The following ZNF268 variants were observed in gnomAD, a reference collection of about 807,000 sequenced individuals.
ZNF268 encodes zinc finger protein 3.
ZNF268 carries 20 observed loss-of-function variants against 29.3 expected under a neutral mutation model. The ratio of observed to expected loss-of-function variants is 0.68; its 90% CI spans 0.48 to 0.99. ZNF268 has a LOEUF of 0.99. ZNF268 is among the 50% of genes least tolerant of loss of function. The pLI, the probability that ZNF268 is intolerant of heterozygous loss-of-function variation, is 0.00. For missense variants in ZNF268, 1,240 were observed against 1,121.6 expected, an observed-to-expected ratio of 1.11 and a Z score of -1.51; for synonymous variants, 429 against 376.9, an observed-to-expected ratio of 1.14 and a Z score of -1.60.
At position 133,187,936 on chromosome 12, in the gene ZNF268, C is replaced by G. The variant is rs374515405; in HGVS notation, c.98C>G (p.Ser33Cys). The change falls in exon 3 of 6, where the codon TCC (serine) becomes TGC (cysteine). Residue 33 changes from serine to cysteine, a missense_variant. Coordinates refer to ENST00000536435, the MANE Select transcript of ZNF268 (RefSeq NM_003415.3). ...DRIRKLQGQE[S>C]ILGQGTPGLQ... ...ATCAGAAAGCTCCAAGGTCAGGAAT[C>G]CATCTTGGGCCAAGGGACTCCTGGT... 6.2e-7 allele frequency: 1 copy of G among 1,600,104 alleles called. No homozygotes were observed. The highest frequency in any genetic ancestry group is 8.5e-7 in the Non-Finnish European group (1 of 1,173,208).
In ZNF268 at chr12:133,210,490, T is replaced by A; in HGVS notation, c.*5960T>A. On this transcript the variant is annotated 3_prime_UTR_variant, in exon 6 of 6. Coordinates refer to ENST00000536435, the MANE Select transcript of ZNF268 (RefSeq NM_003415.3). ...CCCACTAGGGTCCCTAGGTCAGTCCTGAAGAGAAACAAGCTCCAGTCTTCA... is the reference window on the plus strand; with the variant it reads ...CCCACTAGGGTCCCTAGGTCAGTCCAGAAGAGAAACAAGCTCCAGTCTTCA... The A allele has an allele frequency of 4.0e-6, 1 of 252,248 alleles. No homozygotes were observed. The highest frequency in any genetic ancestry group is 8.1e-6 in the Non-Finnish European group (1 of 123,956). The allele number at this position is 252,248 out of a possible 1,614,324, so 15.6% of individuals were successfully genotyped here.
chr12:133,182,137 G>C (rs1264582375), intron 2 of ZNF268, 107 bp downstream of exon 2: 1 of 1,053,722 alleles, frequency 9.5e-7, no homozygotes, highest in Non-Finnish European at 1.4e-6. Context: ...TCACCCCACC[G>C]CTCTTTTAGG....
chr12:133,191,105 A>G (rs1956458989), intron 3 of ZNF268, among the ~76,000 whole-genome samples: 1 of 152,166 alleles, frequency 6.6e-6, no homozygotes, highest in Non-Finnish European at 1.5e-5. Flanking sequence ...TCACAAAGTC[A>G]GGAGATCGAG....
chr12:133,192,028 C>T (rs752151513), intron 5 of ZNF268, 25 bp downstream of exon 5: 44 of 1,570,892 alleles, frequency 2.8e-5, no homozygotes, highest in Middle Eastern at 1.7e-4. Flanking sequence ...CAAATCTTTT[C>T]TTCTTTATTT....
At position 133,203,925 on chromosome 12, in the gene ZNF268, A is replaced by C; in HGVS notation, c.2239A>C (p.Thr747Pro). 1 of 1,591,336 alleles carries C rather than the reference A, an allele frequency of 6.3e-7. No individual in the cohort carries two copies. The highest frequency in any genetic ancestry group is 1.3e-5 in the African/African-American group (1 of 74,336). ...ACTCATTGTGCATCAGAGAATTCAC[A>C]CAGGAGAAAATCCCTATGAATGCAG... ...SQLIVHQRIHTGENPYECSEC... is the reference protein window; with the variant it reads ...SQLIVHQRIHPGENPYECSEC... The change falls in exon 6 of 6, where the codon ACA becomes CCA. Residue 747 changes from threonine (T) to proline (P), a missense_variant. Coordinates refer to ENST00000536435, the MANE Select transcript of ZNF268 (RefSeq NM_003415.3).
intron 2 of ZNF268, among the ~76,000 whole-genome samples, chr12:133,184,109 G>A (rs61960666): frequency 1.0e-3 from 150 of 149,068 alleles, no homozygotes; most frequent in Non-Finnish European, 1.8e-3. Context: ...CTGCTTTCTT[G>A]TTTTCTTTTT....
Position 133,214,198 on chromosome 12 carries a change from T to C in ZNF268, c.*9668T>C, listed in dbSNP as rs1414402395. On this transcript the variant is annotated 3_prime_UTR_variant, in exon 6 of 6. Transcript: ENST00000536435. The stretch of plus-strand genomic sequence containing the variant: ...CGATACTCAACATCACTAGCCATCA[T>C]GGAAATATAAATCAAAAATACAATG... 6.6e-6 allele frequency: 1 copy of C among 152,130 alleles called. No individual in the cohort carries two copies. Among genetic ancestry groups the C allele is most frequent in the Non-Finnish European group, 1.5e-5 (1 of 68,030 alleles). The allele number at this position is 152,130 out of a possible 1,614,324, so 9.4% of individuals were successfully genotyped here. A position where few individuals can be genotyped will look rare whatever the true frequency, so the allele number is the denominator to read the frequency against.
At chr12:133,183,795 T>C (rs1230983849) in intron 2 of ZNF268, among the ~76,000 whole-genome samples, 1 of 152,114 alleles carries the variant, frequency 6.6e-6, no homozygotes, top group Non-Finnish European at 1.5e-5. Flanking sequence ...CTGAGGACAG[T>C]GGTCAGGGAA....
Position 133,191,698 on chromosome 12 carries a change from A to G in ZNF268, c.361+83A>G, listed in dbSNP as rs937418160. 6.4e-6 allele frequency: 10 copies of G among 1,571,764 alleles called. No individual in the cohort carries two copies. In the African/African-American group the frequency reaches 1.4e-4, roughly 21 times the overall value. On this transcript the variant is annotated intron_variant, in intron 4 of 5. Coordinates refer to ENST00000536435, the MANE Select transcript of ZNF268 (RefSeq NM_003415.3). The stretch of plus-strand genomic sequence containing the variant: ...CTGAAAACTGGAGGGCTTCTATGAA[A>G]TACTTAGTGATTTTGGACTTAGATT...
intron 3 of ZNF268, 132 bp downstream of exon 3, chr12:133,188,204 C>A: frequency 1.5e-6 from 1 of 668,352 alleles, no homozygotes; most frequent in Non-Finnish European, 2.3e-6. Flanking sequence ...AACCCCCCCA[C>A]TTTTTTTTTT....
In ZNF268 at chr12:133,194,912, T is replaced by C. The variant is rs941807256; in HGVS notation, c.457+2909T>C. On this transcript the variant is annotated intron_variant, in intron 5 of 5. Transcript: ENST00000536435. ...TTTGCTGCAACCCATATGTTGGTTC[T>C]TGTACTACATTAATACAAGTCTAGG... 2.3e-5 allele frequency among the ~76,000 whole-genome samples: 3 copies of C among 132,598 alleles called. 1 individual carries two copies. The highest frequency in any genetic ancestry group is 8.8e-5 in the African/African-American group (3 of 34,012). The allele number at this position is 132,598 out of a possible 152,430, so 87.0% of individuals were successfully genotyped here.
chr12:133,187,073 C>A (rs1956338713), intron 2 of ZNF268, among the ~76,000 whole-genome samples: 1 of 152,146 alleles, frequency 6.6e-6, no homozygotes, highest in South Asian at 2.1e-4. Flanking sequence ...ATAGTGTTTT[C>A]AACCAGTTAT....
rs200561453 is a variant in ZNF268 at position 133,204,168 on chromosome 12, C to A, written c.2482C>A (p.Arg828=). 1 of 1,540,656 alleles carries A rather than the reference C, an allele frequency of 6.5e-7. No homozygotes were observed. The highest frequency in any genetic ancestry group is 8.7e-7 in the Non-Finnish European group (1 of 1,146,894). Residue 828 remains arginine, a synonymous_variant, in exon 6 of 6, where the codon CGA becomes AGA. Transcript: ENST00000536435. The stretch of plus-strand genomic sequence containing the variant: ...GAAATCACTACTCATTGTACATGAG[C>A]GAACTCATGCAGGGGTCAACCCTTA... ...IWKSLLIVHE[R]THAGVNPYKC...
rs1341847727 is a variant in ZNF268 at position 133,191,922 on chromosome 12, A to C, written c.376A>C (p.Lys126Gln). The C allele has an allele frequency of 6.2e-7, 1 of 1,614,106 alleles. No homozygotes were observed. The highest frequency in any genetic ancestry group is 8.5e-7 in the Non-Finnish European group (1 of 1,179,992). ...TCTATTTATAGGGTACCAACACACC[A>C]AACCTGATATCATCTTCAAGTTGGA... ...NLVSLGYQHT[K>Q]PDIIFKLEQG... Residue 126 changes from lysine (K) to glutamine (Q), a missense_variant, in exon 5 of 6, where the codon AAA becomes CAA. Around this residue, in one of 3 missense-constraint regions of ZNF268, gnomAD observed 1,177 missense variants for 1,039.6 expected, o/e 1.13. Transcript: ENST00000536435.
Position 133,206,191 on chromosome 12 carries a change from A to G in ZNF268, c.*1661A>G, listed in dbSNP as rs750765306. 2 of 152,162 alleles carry G rather than the reference A, an allele frequency of 1.3e-5. No individual in the cohort carries two copies. Among genetic ancestry groups the G allele is most frequent in the Non-Finnish European group, 2.9e-5 (2 of 68,036 alleles). The allele number at this position is 152,162 out of a possible 1,614,324, so 9.4% of individuals were successfully genotyped here. A position where few individuals can be genotyped will look rare whatever the true frequency, so the allele number is the denominator to read the frequency against. On this transcript the variant is annotated 3_prime_UTR_variant, in exon 6 of 6. Transcript: ENST00000536435. ...TGCAAGGATATGTGGATATTTGGAA[A>G]TGGTTGTTTCCCAAGACAGGATGGA... is the stretch of plus-strand genomic sequence containing the variant.
intron 3 of ZNF268, among the ~76,000 whole-genome samples, chr12:133,190,099 C>T (rs1240276069): frequency 2.6e-5 from 4 of 152,292 alleles, no homozygotes; most frequent in Admixed American, 2.0e-4. Context: ...TGAGCCATGG[C>T]GCCTGGCCCA....
At chr12:133,192,887 C>T (rs144266932) in intron 5 of ZNF268, among the ~76,000 whole-genome samples, 26 of 152,290 alleles carry the variant, frequency 1.7e-4, no homozygotes, top group Non-Finnish European at 3.2e-4. Context: ...TCTCGATCTC[C>T]TGACTTTGTG....
intron 3 of ZNF268, among the ~76,000 whole-genome samples, chr12:133,190,616 C>T (rs1468083253): frequency 6.6e-6 from 1 of 152,218 alleles, no homozygotes; most frequent in Non-Finnish European, 1.5e-5. Context: ...CTTTATCCCA[C>T]AGAGTGGCTG....
chr12:133,202,078 AG>A, intron 5 of ZNF268, 65 bp from the exon 6 acceptor site: 1 of 1,315,750 alleles, frequency 7.6e-7, no homozygotes, highest in Non-Finnish European at 1.0e-6. Context: ...CTTATTTCAT[AG>A]GCAACTTTCT....
Sources: allele counts gnomAD v4.1 joint callset (sites outside exome capture counted in the v4.1 genomes callset), GRCh38; gene constraint gnomAD v4.1.1; regional missense constraint gnomAD v4.1.1; transcripts MANE v1.5; gene names NCBI Gene and HGNC (gene_info 2026-07-23, HGNC 2026-07-21).